The following SAXO2 variants were observed in gnomAD, a reference collection of about 807,000 sequenced individuals.
SAXO2 encodes family with sequence similarity 154, member B.
SAXO2 carries 17 observed loss-of-function variants against 18.7 expected under a neutral mutation model. The ratio of observed to expected loss-of-function variants is 0.91; its 90% CI spans 0.62 to 1.36. SAXO2 has a LOEUF of 1.36. Ranked by LOEUF, SAXO2 falls within the 40% of genes most tolerant of loss-of-function variation. The pLI is 0.00. For missense variants in SAXO2, 486 were observed against 562.6 expected (o/e 0.86, Z 1.38); for synonymous variants, 163 against 181.2 (o/e 0.90, Z 0.81).
chr15:82,264,856 A>G, intron 1 of SAXO2: 1 of 639,244 alleles, frequency 1.6e-6, no homozygotes, highest in East Asian at 2.7e-5. Flanking sequence ...ATTATGTTCC[A>G]TGCAAGCAAA....
chr15:82,276,233 A>C (rs2075313671), intron 3 of SAXO2, among the ~76,000 whole-genome samples: 1 of 152,182 alleles, frequency 6.6e-6, no homozygotes, highest in Non-Finnish European at 1.5e-5. Flanking sequence ...ACCATAGACT[A>C]CACAAATGAA....
intron 3 of SAXO2, among the ~76,000 whole-genome samples, chr15:82,277,706 T>C (rs2075327359): frequency 6.6e-6 from 1 of 152,134 alleles, no homozygotes. Flanking sequence ...AGAAACAACT[T>C]CCACCCAGTT....
At chr15:82,265,540 G>A (rs1023146713) in intron 1 of SAXO2, 29 bp from the exon 2 acceptor site, 24 of 1,298,102 alleles carry the variant, frequency 1.8e-5, no homozygotes, top group Middle Eastern at 2.3e-4. Flanking sequence ...TTTTTTTAAG[G>A]TTAATCTTTC....
chr15:82,267,675 G>A (rs1364902948), intron 2 of SAXO2, among the ~76,000 whole-genome samples: 1 of 152,116 alleles, frequency 6.6e-6, no homozygotes, highest in Non-Finnish European at 1.5e-5. Flanking sequence ...CCAACTTTTA[G>A]TCTAATATTT....
At chr15:82,277,403 A>G (rs2075324755) in intron 3 of SAXO2, among the ~76,000 whole-genome samples, 1 of 152,202 alleles carries the variant, frequency 6.6e-6, no homozygotes, top group Non-Finnish European at 1.5e-5. Flanking sequence ...CATAAAATGG[A>G]TAAATTTTTT....
intron 3 of SAXO2, among the ~76,000 whole-genome samples, chr15:82,273,384 A>G (rs1006932712): frequency 9.9e-5 from 15 of 152,240 alleles, no homozygotes; most frequent in African/African-American, 2.9e-4. Flanking sequence ...GATACCATCA[A>G]TAATCAAAGT....
Position 82,282,763 on chromosome 15 carries a change from A to T in SAXO2, c.1078A>T (p.Ile360Phe), listed in dbSNP as rs778070242. The T allele has an allele frequency of 1.2e-6, 2 of 1,614,202 alleles. No individual in the cohort carries two copies. Among genetic ancestry groups the T allele is most frequent in the South Asian group, 2.2e-5 (2 of 91,082 alleles). Residue 360 changes from isoleucine to phenylalanine, a missense_variant, in exon 4 of 4, where the codon ATT (isoleucine) becomes TTT (phenylalanine). Ile to Phe is a conservative substitution (Grantham distance 21). Coordinates refer to ENST00000682753, the MANE Select transcript of SAXO2 (RefSeq NM_001348699.2). ...ATGGGAAAGTTGTCGTCAAGGACTT[A>T]TTAAGAAGCAGCAGCAGATTCCCAA... is the stretch of plus-strand genomic sequence containing the variant. ...PAWESCRQGL[I>F]KKQQQIPNPS...
Position 82,283,983 on chromosome 15 carries a change from TA to T in SAXO2, c.*923del, listed in dbSNP as rs2075389917. The stretch of plus-strand genomic sequence containing the variant: ...CTATACCCAACCTGAGTTTAAGTTC[TA>T]ATAATATAGATTTCTATTTGTACTA... On this transcript the variant is annotated 3_prime_UTR_variant, in exon 4 of 4. Transcript: ENST00000682753. 1 of 152,264 alleles carries T rather than the reference TA, an allele frequency of 6.6e-6. No individual in the cohort carries two copies. The highest frequency in any genetic ancestry group is 2.1e-4 in the South Asian group (1 of 4,834). 9.4% of individuals were successfully genotyped at this position (152,264 alleles called of 1,614,324 possible). A position where few individuals can be genotyped will look rare whatever the true frequency, so the allele number is the denominator to read the frequency against.
At chr15:82,277,753 G>A (rs1399744851) in intron 3 of SAXO2, among the ~76,000 whole-genome samples, 1 of 152,172 alleles carries the variant, frequency 6.6e-6, no homozygotes, top group Non-Finnish European at 1.5e-5. Flanking sequence ...CCAAAGCAGG[G>A]CATGGAATGA....
intron 2 of SAXO2, 81 bp from the exon 3 acceptor site, chr15:82,271,522 C>A: frequency 8.6e-7 from 1 of 1,162,002 alleles, no homozygotes; most frequent in Non-Finnish European, 1.2e-6. Context: ...GAAAAAAAAG[C>A]CTTGACATTT....
intron 2 of SAXO2, among the ~76,000 whole-genome samples, chr15:82,270,387 A>G (rs1054070768): frequency 2.6e-5 from 4 of 152,214 alleles, no homozygotes; most frequent in African/African-American, 4.8e-5. Context: ...TGGAGAGGTC[A>G]GGTAAGATGA....
chr15:82,284,779 A>G lies in SAXO2; in HGVS notation c.*1717A>G, dbSNP rs1482283012. The G allele has an allele frequency of 1.3e-5, 2 of 152,246 alleles. No individual in the cohort carries two copies. The highest frequency in any genetic ancestry group is 4.8e-5 in the African/African-American group (2 of 41,466). The allele number at this position is 152,246 out of a possible 1,614,324, so 9.4% of individuals were successfully genotyped here. A position where few individuals can be genotyped will look rare whatever the true frequency, so the allele number is the denominator to read the frequency against. Reference sequence around the variant, plus strand: ...TCTTTTATGGCTTCAGAATTATTTCAAAATATACTTTATTGAAAATCAATA... The same window carrying G: ...TCTTTTATGGCTTCAGAATTATTTCGAAATATACTTTATTGAAAATCAATA... On this transcript the variant is annotated 3_prime_UTR_variant, in exon 4 of 4. Transcript: ENST00000682753.
rs2075395510 is a variant in SAXO2, at chr15:82,284,658, G to A, written c.*1596G>A. ...TTATAAATGCTAAAAATTTCCGAAT[G>A]AATTAAACTCTTATTGGGTGGTTTC... On this transcript the variant is annotated 3_prime_UTR_variant, in exon 4 of 4. Coordinates refer to ENST00000682753, the MANE Select transcript of SAXO2 (RefSeq NM_001348699.2). 6.6e-6 allele frequency: 1 copy of A among 152,128 alleles called. No homozygotes were observed. Among genetic ancestry groups the A allele is most frequent in the East Asian group, 1.9e-4 (1 of 5,198 alleles). 9.4% of individuals were successfully genotyped at this position (152,128 alleles called of 1,614,324 possible). A position where few individuals can be genotyped will look rare whatever the true frequency, so the allele number is the denominator to read the frequency against.
At chr15:82,263,786 C>T (rs1278118634) in intron 1 of SAXO2, among the ~76,000 whole-genome samples, 2 of 152,118 alleles carry the variant, frequency 1.3e-5, no homozygotes, top group Non-Finnish European at 2.9e-5. Context: ...TTATATTCAA[C>T]GCAAGTTCCT....
chr15:82,283,168 A>G lies in SAXO2; in HGVS notation c.*106A>G. ...TTTATGATATAATAAATCATTTTTT[A>G]TATTTTTAAACAAGAAAATTGGAAA... On this transcript the variant is annotated 3_prime_UTR_variant, in exon 4 of 4. Transcript: ENST00000682753. 2.7e-6 allele frequency: 2 copies of G among 741,074 alleles called. No homozygotes were observed. The highest frequency in any genetic ancestry group is 1.8e-5 in the African/African-American group (1 of 54,450). 45.9% of individuals were successfully genotyped at this position (741,074 alleles called of 1,614,324 possible).
Position 82,274,378 on chromosome 15 carries a change from C to A in SAXO2, c.433+2576C>A, listed in dbSNP as rs1326976533. On this transcript the variant is annotated intron_variant, in intron 3 of 3. Transcript: ENST00000682753. ...TTCCACACTCTGTATGAATGTGCTG[C>A]AGGTTTTGTAGATAACCTATTTAAA... Among the ~76,000 whole-genome samples, 4 of 152,004 alleles carry A rather than the reference C, an allele frequency of 2.6e-5. 1 individual carries two copies. Among genetic ancestry groups the A allele is most frequent in the African/African-American group, 7.2e-5 (3 of 41,430 alleles).
At chr15:82,263,857 C>T (rs1362127779) in intron 1 of SAXO2, among the ~76,000 whole-genome samples, 1 of 151,996 alleles carries the variant, frequency 6.6e-6, no homozygotes. Flanking sequence ...ATTGGAATGG[C>T]GTGATTTTAC....
chr15:82,271,483 A>G (rs1196212563), intron 2 of SAXO2, 120 bp from the exon 3 acceptor site: 8 of 817,080 alleles, frequency 9.8e-6, no homozygotes, highest in Non-Finnish European at 1.5e-5. Flanking sequence ...TACCATTTTA[A>G]TATCTTCTCA....
chr15:82,273,141 A>G (rs2075287235), intron 3 of SAXO2, among the ~76,000 whole-genome samples: 1 of 152,060 alleles, frequency 6.6e-6, no homozygotes, highest in Non-Finnish European at 1.5e-5. Flanking sequence ...CCTGACCTCA[A>G]GTGATGCACC....
Sources: gnomAD v4.1 joint callset for allele counts (sites outside exome capture counted in the v4.1 genomes callset) on GRCh38, gnomAD v4.1.1 for gene constraint, MANE v1.5 for transcripts, NCBI Gene and HGNC (gene_info 2026-07-23, HGNC 2026-07-21) for gene names.